FAT4: variants seen among roughly 807,000 people sequenced by gnomAD.
The protein encoded by FAT4 is protocadherin Fat 4.
A neutral mutation model predicts 303.9 loss-of-function variants in FAT4; 84 were observed. That is an observed-to-expected ratio of 0.28 (90% CI 0.23 to 0.33). The LOEUF (loss-of-function observed/expected upper bound fraction) is 0.33. Among genes scored for constraint, FAT4 ranks in the 10% least tolerant of loss-of-function variants. FAT4 has a pLI of 1.00. For missense variants in FAT4, 6,005 were observed against 6,146.8 expected (o/e 0.98, Z 0.77); for synonymous variants, 2,307 against 2,298.8 (o/e 1.00, Z -0.10).
At chr4:125,354,649 T>G in intron 2 of FAT4, among the ~76,000 whole-genome samples, 1 of 150,636 alleles carries the variant, frequency 6.6e-6, no homozygotes, top group Admixed American at 6.7e-5. Context: ...GGTGAAAAAT[T>G]AGTATCAAGC....
At chr4:125,329,307 C>T (rs1423600244) in intron 2 of FAT4, among the ~76,000 whole-genome samples, 5 of 152,208 alleles carry the variant, frequency 3.3e-5, no homozygotes, top group African/African-American at 4.8e-5. Flanking sequence ...CTATGATGGA[C>T]ACATTGCTAG....
intron 7 of FAT4, among the ~76,000 whole-genome samples, chr4:125,424,431 G>A (rs372797527): frequency 2.0e-5 from 3 of 152,238 alleles, no homozygotes; most frequent in African/African-American, 4.8e-5. Context: ...ATTCTGCCAC[G>A]ATTATAAGTT....
rs1375730085 is a variant in FAT4, at chr4:125,452,169, G to A, written c.11159G>A (p.Gly3720Asp). ...TVDNSILLRL[G>D]VPTVKDFLTN... ...GATAACAGCATCTTACTTCGTCTCG[G>A]CGTACCAACAGTAAAGGACTTCTTG... is the stretch of plus-strand genomic sequence containing the variant. The change falls in exon 10 of 18, where the codon GGC becomes GAC. Residue 3720 changes from glycine to aspartate, a missense_variant. Gly to Asp is a moderately conservative substitution (Grantham distance 94, BLOSUM62 -1). Transcript: ENST00000394329. The A allele has an allele frequency of 5.0e-6, 8 of 1,614,064 alleles. No individual in the cohort carries two copies. The highest frequency in any genetic ancestry group is 6.8e-6 in the Non-Finnish European group (8 of 1,180,038).
At chr4:125,421,089 AT>A (rs911842102) in intron 7 of FAT4, among the ~76,000 whole-genome samples, 2 of 151,628 alleles carry the variant, frequency 1.3e-5, no homozygotes, top group East Asian at 1.9e-4. Context: ...TGCCTGGCTA[AT>A]TTTTTTTTAT....
chr4:125,398,755 T>C, intron 2 of FAT4, 29 bp from the exon 3 acceptor site: 2 of 1,611,016 alleles, frequency 1.2e-6, no homozygotes, highest in Non-Finnish European at 1.7e-6. Context: ...GTGGGAGTCA[T>C]TCACACATTG....
intron 2 of FAT4, among the ~76,000 whole-genome samples, chr4:125,332,375 A>C (rs1312153020): frequency 6.6e-6 from 1 of 152,140 alleles, no homozygotes; most frequent in South Asian, 2.1e-4. Flanking sequence ...TTCATCCACT[A>C]TTGTATTGTT....
chr4:125,328,233 G>A (rs1731235122), intron 2 of FAT4, among the ~76,000 whole-genome samples: 1 of 152,134 alleles, frequency 6.6e-6, no homozygotes, highest in African/African-American at 2.4e-5. Flanking sequence ...GCAGACAGGT[G>A]AAAATATTCT....
chr4:125,407,199 A>C, intron 4 of FAT4, 58 bp downstream of exon 4: 1 of 1,489,784 alleles, frequency 6.7e-7, no homozygotes. Context: ...CCAAAATTAC[A>C]TACTATGTTT....
chr4:125,335,595 A>C (rs1461308389), intron 2 of FAT4, among the ~76,000 whole-genome samples: 1 of 152,090 alleles, frequency 6.6e-6, no homozygotes, highest in South Asian at 2.1e-4. Flanking sequence ...TATAATTTAC[A>C]TATTTTTTAT....
intron 2 of FAT4, among the ~76,000 whole-genome samples, chr4:125,341,228 A>C (rs1172948608): frequency 6.6e-6 from 1 of 152,168 alleles, no homozygotes; most frequent in African/African-American, 2.4e-5. Context: ...AAGAACAAGG[A>C]ATGGCTCTAT....
intron 2 of FAT4, among the ~76,000 whole-genome samples, chr4:125,333,803 G>A (rs139363084): frequency 3.1e-4 from 47 of 151,968 alleles, no homozygotes; most frequent in African/African-American, 1.1e-3. Context: ...TGAAAACATC[G>A]GTGCTGTTTA....
At chr4:125,374,751 G>T (rs746420976) in intron 2 of FAT4, among the ~76,000 whole-genome samples, 4 of 152,064 alleles carry the variant, frequency 2.6e-5, no homozygotes, top group Non-Finnish European at 5.9e-5. Flanking sequence ...TCCACTCAAT[G>T]AATACAAGGT....
At chr4:125,413,539 A>G in intron 5 of FAT4, among the ~76,000 whole-genome samples, 1 of 151,824 alleles carries the variant, frequency 6.6e-6, no homozygotes, top group East Asian at 1.9e-4. Context: ...TTATATTCAT[A>G]AATATTTTTC....
chr4:125,398,626 A>G (rs917138965), intron 2 of FAT4, among the ~76,000 whole-genome samples, 158 bp from the exon 3 acceptor site: 4 of 152,184 alleles, frequency 2.6e-5, no homozygotes, highest in African/African-American at 9.7e-5. Flanking sequence ...AGATTTCACA[A>G]CTTTTCCCTA....
At chr4:125,487,064 G>A (rs1435565455) in intron 16 of FAT4, among the ~76,000 whole-genome samples, 7 of 151,896 alleles carry the variant, frequency 4.6e-5, no homozygotes, top group South Asian at 4.2e-4. Flanking sequence ...ATGGACATTC[G>A]CCCCTTTATT....
chr4:125,401,097 A>G (rs1734371118), intron 3 of FAT4, among the ~76,000 whole-genome samples: 1 of 152,072 alleles, frequency 6.6e-6, no homozygotes, highest in African/African-American at 2.4e-5. Flanking sequence ...CAGGAAAACT[A>G]CAACCATTGT....
chr4:125,453,852 A>T (rs1726185837), intron 10 of FAT4, among the ~76,000 whole-genome samples: 1 of 152,204 alleles, frequency 6.6e-6, no homozygotes, highest in South Asian at 2.1e-4. Context: ...AAAAATTTTG[A>T]ACTAGTCTTT....
chr4:125,477,873 T>A lies in FAT4; in HGVS notation c.12479+539T>A, dbSNP rs182587460. Among the ~76,000 whole-genome samples, 312 of 152,246 alleles carry A rather than the reference T, an allele frequency of 2.0e-3. 2 individuals carry two copies. Among genetic ancestry groups the A allele is most frequent in the African/African-American group, 6.9e-3 (286 of 41,568 alleles). On this transcript the variant is annotated intron_variant, in intron 14 of 17. Coordinates refer to ENST00000394329, the MANE Select transcript of FAT4 (RefSeq NM_001291303.3). ...ATGTTAGAAATTACATATTTTATTT[T>A]AAAATTCCTTTTGTTCATTATCGAA...
intron 4 of FAT4, 21 bp downstream of exon 4, chr4:125,407,162 G>A (rs1343799910): frequency 1.3e-6 from 2 of 1,586,078 alleles, no homozygotes; most frequent in Non-Finnish European, 1.7e-6. Context: ...GGTCTCTTAT[G>A]TGTATTTTGC....
Sources: allele counts gnomAD v4.1 joint callset (sites outside exome capture counted in the v4.1 genomes callset), GRCh38; gene constraint gnomAD v4.1.1; transcripts MANE v1.5; gene names NCBI Gene and HGNC (gene_info 2026-07-23, HGNC 2026-07-21).